SAMD12: variants seen among roughly 807,000 people sequenced by gnomAD.
The protein encoded by SAMD12 is sterile alpha motif domain containing 12.
SAMD12 carries 9 observed loss-of-function variants against 15.0 expected under a neutral mutation model. The observed-to-expected ratio is 0.60, with a 90% CI of 0.36 to 1.05. The LOEUF is 1.05. SAMD12 is among the 50% of genes least tolerant of loss of function. SAMD12 has a pLI of 0.01. For synonymous variants in SAMD12, 86 were observed against 90.1 expected, an observed-to-expected ratio of 0.96 and a Z score of 0.25; for missense variants, 230 against 234.2, an observed-to-expected ratio of 0.98 and a Z score of 0.12.
intron 1 of SAMD12, among the ~76,000 whole-genome samples, chr8:118,607,552 A>G (rs1828014551): frequency 6.6e-6 from 1 of 152,114 alleles, no homozygotes; most frequent in African/African-American, 2.4e-5. Context: ...CCTAATTAGG[A>G]TTTTTAGGCA....
At chr8:118,181,117 G>C in the SAMD12 span, among the ~76,000 whole-genome samples, 4 of 152,028 alleles carry the variant, frequency 2.6e-5, no homozygotes, top group Non-Finnish European at 5.9e-5. Flanking sequence ...GAACAACCTT[G>C]ATCAAGAAAT....
chr8:118,466,936 C>T (rs753060889), intron 2 of SAMD12, among the ~76,000 whole-genome samples: 4 of 152,178 alleles, frequency 2.6e-5, no homozygotes, highest in Non-Finnish European at 5.9e-5. Context: ...GCCTCTGACT[C>T]CACTTGACAT....
chr8:118,178,762 G>C, the SAMD12 span, among the ~76,000 whole-genome samples: 3 of 152,194 alleles, frequency 2.0e-5, no homozygotes, highest in East Asian at 5.8e-4. Context: ...CACCGCCCCC[G>C]GCCACACATT....
the SAMD12 span, among the ~76,000 whole-genome samples, chr8:118,148,359 A>T: frequency 6.6e-6 from 1 of 152,206 alleles, no homozygotes; most frequent in African/African-American, 2.4e-5. Flanking sequence ...TCTAGAGGGA[A>T]ACTATTAATT....
At chr8:118,347,166 T>C (rs1016431562) in intron 4 of SAMD12, among the ~76,000 whole-genome samples, 11 of 151,894 alleles carry the variant, frequency 7.2e-5, no homozygotes, top group African/African-American at 2.7e-4. Flanking sequence ...TGGGCTCAAG[T>C]GATCTTCCTG....
At position 118,259,759 on chromosome 8, in the gene SAMD12, T is replaced by C. The variant is rs182312775; in HGVS notation, c.434-62027A>G. 4.8e-3 allele frequency among the ~76,000 whole-genome samples: 723 copies of C among 152,206 alleles called. 3 individuals are homozygous for C. Among genetic ancestry groups the C allele is most frequent in the Middle Eastern group, 0.041 (12 of 294 alleles). On this transcript the variant is annotated intron_variant, in intron 4 of 4. Transcript: ENST00000409003. The stretch of plus-strand genomic sequence containing the variant: ...AGCTGAGAAACAGAAGGCTAAATGA[T>C]GTTTCCAGTGAAAAAGAGATGTCCT...
chr8:118,290,542 T>G (rs1196447489), intron 4 of SAMD12, among the ~76,000 whole-genome samples: 1 of 152,226 alleles, frequency 6.6e-6, no homozygotes, highest in Non-Finnish European at 1.5e-5. Flanking sequence ...ACCCATAATA[T>G]GATTCACAAA....
intron 1 of SAMD12, among the ~76,000 whole-genome samples, chr8:118,582,149 C>T (rs962108705): frequency 2.6e-5 from 4 of 152,094 alleles, no homozygotes; most frequent in African/African-American, 9.7e-5. Context: ...TGTTTTCCTC[C>T]CACTATCCAC....
the SAMD12 span, among the ~76,000 whole-genome samples, chr8:118,169,575 A>G: frequency 8.5e-5 from 13 of 152,196 alleles, no homozygotes; most frequent in African/African-American, 2.9e-4. Context: ...TTTTCCAGCC[A>G]TGGTTCAGGA....
At chr8:118,219,497 T>C (rs375576358) in intron 4 of SAMD12, among the ~76,000 whole-genome samples, 6 of 152,348 alleles carry the variant, frequency 3.9e-5, no homozygotes, top group African/African-American at 1.4e-4. Context: ...TACAAATTCT[T>C]TCATATCACC....
chr8:118,439,586 A>G (rs146829579), intron 3 of SAMD12, among the ~76,000 whole-genome samples: 40 of 151,536 alleles, frequency 2.6e-4, no homozygotes, highest in African/African-American at 9.7e-4. Flanking sequence ...GGATCCCCCA[A>G]CCCTGCACCC....
the SAMD12 span, among the ~76,000 whole-genome samples, chr8:118,163,693 GT>G: frequency 6.6e-6 from 1 of 151,966 alleles, no homozygotes; most frequent in South Asian, 2.1e-4. Context: ...GGCTAACACG[GT>G]GAAACCCCGT....
intron 2 of SAMD12, among the ~76,000 whole-genome samples, chr8:118,556,771 T>C (rs576597932): frequency 3.3e-5 from 5 of 152,002 alleles, no homozygotes; most frequent in African/African-American, 1.2e-4. Context: ...GAGACCAGCC[T>C]GGCCAGCATG....
intron 2 of SAMD12, among the ~76,000 whole-genome samples, chr8:118,464,687 G>T (rs779175640): frequency 6.6e-6 from 1 of 152,038 alleles, no homozygotes; most frequent in African/African-American, 2.4e-5. Context: ...TCCTGTTACA[G>T]GCTCCTAGTG....
At chr8:118,406,815 A>T (rs35372440) in intron 3 of SAMD12, among the ~76,000 whole-genome samples, 26,555 of 151,836 alleles carry the variant, frequency 0.17, 2,557 homozygotes, top group African/African-American at 0.21. Context: ...TTGACTTAGC[A>T]TAATGTCCTC....
At chr8:118,618,828 G>C (rs1828315262) in intron 1 of SAMD12, among the ~76,000 whole-genome samples, 1 of 129,964 alleles carries the variant, frequency 7.7e-6, no homozygotes, top group Admixed American at 8.8e-5. Context: ...GACAGAGCAA[G>C]ACTCCGTCTC....
At chr8:118,400,713 T>G (rs1820828258) in intron 3 of SAMD12, 1 of 152,202 alleles carries the variant, frequency 6.6e-6, no homozygotes, top group Admixed American at 6.5e-5. Flanking sequence ...GATACATGCC[T>G]TCAGCTACAA....
At chr8:118,602,475 G>A (rs1827885472) in intron 1 of SAMD12, among the ~76,000 whole-genome samples, 1 of 152,178 alleles carries the variant, frequency 6.6e-6, no homozygotes, top group Admixed American at 6.5e-5. Flanking sequence ...CTTCAGAAAT[G>A]AGAATGCCTA....
At chr8:118,336,463 T>C (rs1817071909) in intron 4 of SAMD12, among the ~76,000 whole-genome samples, 1 of 152,214 alleles carries the variant, frequency 6.6e-6, no homozygotes. Context: ...ATTCCACCCA[T>C]ACTGTCTCCA....
Sources: allele counts gnomAD v4.1 joint callset (sites outside exome capture counted in the v4.1 genomes callset), GRCh38; gene constraint gnomAD v4.1.1; transcripts MANE v1.5; gene names NCBI Gene and HGNC (gene_info 2026-07-23, HGNC 2026-07-21).